Variants in AKAP8L observed in about 807,000 individuals in gnomAD.
The protein encoded by AKAP8L is A-kinase anchoring protein 8 like, also known as A-kinase anchor protein 8-like.
Under a neutral mutation model 77.5 loss-of-function variants are expected in AKAP8L, and 34 were observed. The ratio of observed to expected loss-of-function variants is 0.44; its 90% confidence interval spans 0.33 to 0.58. AKAP8L has a LOEUF of 0.58. Among genes scored for constraint, AKAP8L ranks in the 20% least tolerant of loss-of-function variants. The pLI is 0.02. For missense variants in AKAP8L, 806 were observed against 887.6 expected (o/e 0.91, Z 1.17); for synonymous variants, 342 against 340.7 (o/e 1.00, Z -0.04).
At position 15,403,317 on chromosome 19, in the gene AKAP8L, A is replaced by G. The variant is rs1014814525; in HGVS notation, c.362+158T>C. 7.4e-6 allele frequency: 5 copies of G among 671,894 alleles called. No homozygotes were observed. Among genetic ancestry groups the G allele is most frequent in the African/African-American group, 3.6e-5 (2 of 55,724 alleles). 41.6% of individuals were successfully genotyped at this position (671,894 alleles called of 1,614,324 possible). A position where few individuals can be genotyped will look rare whatever the true frequency, so the allele number is the denominator to read the frequency against. ...GGGTGGGTGAGAGGAGACACAAGTC[A>G]GAGACGGGAAGTGCAACGGACCCTG... On this transcript the variant is annotated intron_variant, in intron 4 of 13. Coordinates refer to ENST00000397410, the MANE Select transcript of AKAP8L (RefSeq NM_014371.4). The surrounding 1 kb of genome is among the most constrained non-coding windows in gnomAD (Gnocchi z 4.3).
In AKAP8L at chr19:15,380,600, G is replaced by A. The variant is rs1157519806; in HGVS notation, c.1549C>T (p.Gln517Ter). Residue 517 changes from glutamine to a stop codon, truncating the protein, a stop_gained, in exon 13 of 14, where the codon CAG becomes TAG. Transcript: ENST00000397410. LOFTEE classifies it high-confidence loss of function. Reference protein sequence around the residue: ...HNRNRRLMMEQSKKSSLMVAR... With the variant: ...HNRNRRLMME ...ACCATGAGGGAGGACTTCTTGGACTGCTCCATCATGAGCTGCGGGCAGGGC... is the reference window on the plus strand; with the variant it reads ...ACCATGAGGGAGGACTTCTTGGACTACTCCATCATGAGCTGCGGGCAGGGC... 1.2e-6 allele frequency: 2 copies of A among 1,613,428 alleles called. No individual in the cohort carries two copies. Among genetic ancestry groups the A allele is most frequent in the African/African-American group, 1.3e-5 (1 of 74,906 alleles).
chr19:15,403,763 G>A lies in AKAP8L; in HGVS notation c.122-48C>T, dbSNP rs755291299. On this transcript the variant is annotated intron_variant, in intron 3 of 13. Coordinates refer to ENST00000397410, the MANE Select transcript of AKAP8L (RefSeq NM_014371.4). This position sits in a 1 kb window ranked among gnomAD's most constrained non-coding sequence, Gnocchi z 4.3. ...AGACAGATGGTGGGGGCAGGCAGAG[G>A]GGAGGCAGACAGAGACAGAGACAAA... The A allele has an allele frequency of 2.8e-6, 4 of 1,438,346 alleles. No individual in the cohort carries two copies. Among genetic ancestry groups the A allele is most frequent in the Non-Finnish European group, 3.8e-6 (4 of 1,042,316 alleles). The allele number at this position is 1,438,346 out of a possible 1,614,324, so 89.1% of individuals were successfully genotyped here.
intron 12 of AKAP8L, chr19:15,383,199 A>G (rs1162566844): frequency 6.6e-6 from 1 of 152,102 alleles, no homozygotes; most frequent in Non-Finnish European, 1.5e-5. Context: ...TGCTAATACC[A>G]TATTGTCTTT....
At chr19:15,402,222 A>T (rs904711622) in intron 4 of AKAP8L, among the ~76,000 whole-genome samples, 1 of 152,196 alleles carries the variant, frequency 6.6e-6, no homozygotes, top group Non-Finnish European at 1.5e-5. Context: ...CCAGAGCCAG[A>T]CACCAAACTC....
At chr19:15,390,730 A>G (rs1231156940) in intron 12 of AKAP8L, among the ~76,000 whole-genome samples, 1 of 152,220 alleles carries the variant, frequency 6.6e-6, no homozygotes, top group East Asian at 1.9e-4. Flanking sequence ...ACTATGACCA[A>G]GCAGGATATA....
intron 12 of AKAP8L, among the ~76,000 whole-genome samples, chr19:15,395,321 T>C (rs1967747532): frequency 6.6e-6 from 1 of 151,032 alleles, no homozygotes; most frequent in African/African-American, 2.4e-5. Flanking sequence ...TTTGGTTTTT[T>C]TGTTTTGTTT....
At chr19:15,392,200 A>G (rs1273905036) in intron 12 of AKAP8L, among the ~76,000 whole-genome samples, 1 of 152,246 alleles carries the variant, frequency 6.6e-6, no homozygotes, top group African/African-American at 2.4e-5. Flanking sequence ...TGTAGGGTAT[A>G]ATATCAATAT....
chr19:15,381,424 C>A (rs560218867), intron 12 of AKAP8L, among the ~76,000 whole-genome samples: 2 of 152,272 alleles, frequency 1.3e-5, no homozygotes, highest in South Asian at 4.1e-4. Context: ...GCCATTTTGT[C>A]TGGAAGGATT....
At position 15,399,406 on chromosome 19, in the gene AKAP8L, G is replaced by T; in HGVS notation, c.1053C>A (p.Ala351=). 1 of 1,613,358 alleles carries T rather than the reference G, an allele frequency of 6.2e-7. No homozygotes were observed. The highest frequency in any genetic ancestry group is 1.1e-5 in the South Asian group (1 of 91,076). ...GGCCATTTTCATCCTGGGTGGTTAG[G>T]GCCCCTGTGGGAGCAGATGGGCACT... ...EEGKEDPEKG[A]LTTQDENGQT... Residue 351 remains alanine, a synonymous_variant, in exon 9 of 14, where the codon GCC becomes GCA. Coordinates refer to ENST00000397410, the MANE Select transcript of AKAP8L (RefSeq NM_014371.4). This position sits in a 1 kb window ranked among gnomAD's most constrained non-coding sequence, Gnocchi z 6.1.
Position 15,418,940 on chromosome 19 carries a change from A to G in AKAP8L, c.-17T>C, listed in dbSNP as rs1968274569. On this transcript the variant is annotated 5_prime_UTR_variant, in exon 1 of 14. Coordinates refer to ENST00000397410, the MANE Select transcript of AKAP8L (RefSeq NM_014371.4). ...GTAGCTCATGGTGGCGGGCAACACAACATCCGACGACGCCGGCTTCTGCTG... is the reference window on the plus strand; with the variant it reads ...GTAGCTCATGGTGGCGGGCAACACAGCATCCGACGACGCCGGCTTCTGCTG... 2 of 1,602,852 alleles carry G rather than the reference A, an allele frequency of 1.2e-6. No homozygotes were observed. Among genetic ancestry groups the G allele is most frequent in the Admixed American group, 1.7e-5 (1 of 59,832 alleles).
intron 2 of AKAP8L, among the ~76,000 whole-genome samples, chr19:15,407,162 G>A (rs1044694908): frequency 6.6e-6 from 1 of 152,126 alleles, no homozygotes; most frequent in Non-Finnish European, 1.5e-5. Flanking sequence ...AGGCTGAGGT[G>A]GGAGGGCTAT....
intron 1 of AKAP8L, among the ~76,000 whole-genome samples, chr19:15,415,096 C>A (rs1002494700): frequency 1.3e-5 from 2 of 152,188 alleles, no homozygotes; most frequent in African/African-American, 4.8e-5. Flanking sequence ...TGCAGCAACA[C>A]TCCTTGCTTT....
In AKAP8L at chr19:15,403,195, T is replaced by C. The variant is rs1045467193; in HGVS notation, c.362+280A>G. ...TGGAGGGAGGGGTGGCTGAACACTC[T>C]GTTTTTGAGGGCACAGTGAAGTCTG... is the stretch of plus-strand genomic sequence containing the variant. On this transcript the variant is annotated intron_variant, in intron 4 of 13. Transcript: ENST00000397410. The surrounding 1 kb of genome is among the most constrained non-coding windows in gnomAD (Gnocchi z 4.3). 1 of 477,136 alleles carries C rather than the reference T, an allele frequency of 2.1e-6. No homozygotes were observed. Among genetic ancestry groups the C allele is most frequent in the Admixed American group, 3.4e-5 (1 of 29,612 alleles). The allele number at this position is 477,136 out of a possible 1,614,324, so 29.6% of individuals were successfully genotyped here. A position where few individuals can be genotyped will look rare whatever the true frequency, so the allele number is the denominator to read the frequency against.
rs1247959916 is a variant in AKAP8L, at chr19:15,398,478, G to T, written c.1158-623C>A. On this transcript the variant is annotated intron_variant, in intron 9 of 13. Coordinates refer to ENST00000397410, the MANE Select transcript of AKAP8L (RefSeq NM_014371.4). The surrounding 1 kb of genome is among the most constrained non-coding windows in gnomAD (Gnocchi z 9.2). ...AGGAGGGCGCCCGCTCGGCCTGCCA[G>T]AGGGCAGCCTGGAGTCACCTGGGCG... is the stretch of plus-strand genomic sequence containing the variant. The T allele has an allele frequency of 9.9e-6, 7 of 707,344 alleles. No homozygotes were observed. The highest frequency in any genetic ancestry group is 1.0e-5 in the Non-Finnish European group (6 of 575,192). The allele number at this position is 707,344 out of a possible 1,614,324, so 43.8% of individuals were successfully genotyped here.
chr19:15,394,373 TAG>T (rs1018153786), intron 12 of AKAP8L, among the ~76,000 whole-genome samples: 4 of 151,938 alleles, frequency 2.6e-5, no homozygotes, highest in Non-Finnish European at 5.9e-5. Context: ...AATAAGCAAA[TAG>T]AGAGAGATAG....
At chr19:15,414,986 T>A (rs1968177766) in intron 1 of AKAP8L, among the ~76,000 whole-genome samples, 1 of 152,196 alleles carries the variant, frequency 6.6e-6, no homozygotes, top group East Asian at 1.9e-4. Flanking sequence ...CTTTTTCTTT[T>A]TTTGTTTTGA....
At chr19:15,412,760 T>A in intron 1 of AKAP8L, among the ~76,000 whole-genome samples, 1 of 152,238 alleles carries the variant, frequency 6.6e-6, no homozygotes, top group East Asian at 1.9e-4. Flanking sequence ...GCCAGGATGG[T>A]CTCGATCTCC....
At chr19:15,413,885 C>A (rs1968152202) in intron 1 of AKAP8L, among the ~76,000 whole-genome samples, 1 of 152,106 alleles carries the variant, frequency 6.6e-6, no homozygotes, top group African/African-American at 2.4e-5. Flanking sequence ...CGAGAGGGGC[C>A]CTGGTGCTTC....
In AKAP8L at chr19:15,399,839, C is replaced by T. The variant is rs766611201; in HGVS notation, c.1049-429G>A. 3.5e-5 allele frequency: 11 copies of T among 310,134 alleles called. No homozygotes were observed. The highest frequency in any genetic ancestry group is 6.1e-5 in the Non-Finnish European group (10 of 163,138). 19.2% of individuals were successfully genotyped at this position (310,134 alleles called of 1,614,324 possible). ...GGATTTGCTGTTAGGTACCTGCTGG[C>T]GCTCATCACTCAGGTGGGGGGACAC... On this transcript the variant is annotated intron_variant, in intron 8 of 13. Transcript: ENST00000397410. The surrounding 1 kb of genome is among the most constrained non-coding windows in gnomAD (Gnocchi z 6.1).
Sources: allele counts gnomAD v4.1 joint callset (sites outside exome capture counted in the v4.1 genomes callset), GRCh38; gene constraint gnomAD v4.1.1; non-coding constraint Gnocchi (gnomAD v3.1); transcripts MANE v1.5; gene names NCBI Gene and HGNC (gene_info 2026-07-23, HGNC 2026-07-21).